CD99: variants seen among roughly 807,000 people sequenced by gnomAD.
CD99 encodes the protein CD99 antigen.
A neutral mutation model predicts 28.4 loss-of-function variants in CD99; 19 were observed. The observed-to-expected ratio is 0.67, with a 90% CI of 0.47 to 0.98. The LOEUF (loss-of-function observed/expected upper bound fraction) is 0.98, where lower values mean the gene tolerates loss of function less well. Among genes scored for constraint, CD99 ranks in the 50% least tolerant of loss-of-function variants. The pLI, the probability that CD99 is intolerant of heterozygous loss-of-function variation, is 0.00. For synonymous variants in CD99, 103 were observed against 92.1 expected (o/e 1.12, Z -0.67); for missense variants, 283 against 248.8 (o/e 1.14, Z -0.92).
chrX:2,705,982 C>T (rs1025733260), intron 1 of CD99, among the ~76,000 whole-genome samples: 3 of 151,664 alleles, frequency 2.0e-5, no homozygotes, highest in Admixed American at 6.6e-5. Flanking sequence ...GGACCCTTCC[C>T]GAGGCCCCCC....
rs778472277 is a variant in CD99 at position 2,726,296 on chromosome X, C to T, written c.398C>T (p.Ala133Val). 2 of 1,611,956 alleles carry T rather than the reference C, an allele frequency of 1.2e-6. No individual in the cohort carries two copies. Among genetic ancestry groups the T allele is most frequent in the South Asian group, 2.2e-5 (2 of 90,986 alleles). Residue 133 changes from alanine to valine, a missense_variant, in exon 8 of 10, where the codon GCT (alanine) becomes GTT (valine). Physicochemically the swap from Ala to Val is moderately conservative, Grantham distance 64. Transcript: ENST00000381192. ...GGCGTGATCCCCGGGATTGTGGGGG[C>T]TGTCGTGGTCGCCGTGGCTGGAGCC... ...APGVIPGIVGAVVVAVAGAIS... is the reference protein window; with the variant it reads ...APGVIPGIVGVVVVAVAGAIS...
intron 3 of CD99, among the ~76,000 whole-genome samples, chrX:2,718,433 A>G (rs1177366388): frequency 6.6e-5 from 10 of 151,442 alleles, no homozygotes; most frequent in African/African-American, 7.3e-5. Context: ...CAGTGGCGCA[A>G]TCTCGGCTCA....
chrX:2,740,853 GCTGCCTGAGGCTCCTCCCTGAAGGACAC>G lies in CD99; in HGVS notation c.*59_*86del. ...AGGCGTTGGCAGCAGGGTTAGAACAGCTGCCTGAGGCTCCTCCCTGAAGGACACCTGCCTGAGAGCAGAGATGGAGGCC... is the reference window on the plus strand; with the variant it reads ...AGGCGTTGGCAGCAGGGTTAGAACAGCTGCCTGAGAGCAGAGATGGAGGCC... On this transcript the variant is annotated 3_prime_UTR_variant, in exon 10 of 10. Coordinates refer to ENST00000381192, the MANE Select transcript of CD99 (RefSeq NM_002414.5). 1 of 1,601,670 alleles carries G rather than the reference GCTGCCTGAGGCTCCTCCCTGAAGGACAC, an allele frequency of 6.2e-7. No homozygotes were observed. The highest frequency in any genetic ancestry group is 8.6e-7 in the Non-Finnish European group (1 of 1,168,660).
intron 1 of CD99, among the ~76,000 whole-genome samples, chrX:2,705,311 G>A: frequency 6.6e-6 from 1 of 152,308 alleles, no homozygotes. Flanking sequence ...TCCTGTTACT[G>A]ACGGGAAGCT....
chrX:2,735,024 CTT>C (rs1193161522), intron 8 of CD99, among the ~76,000 whole-genome samples: 3 of 152,102 alleles, frequency 2.0e-5, no homozygotes, highest in African/African-American at 7.2e-5. Context: ...CCCCCCAACT[CTT>C]TGAAGGATGT....
chrX:2,702,776 T>G (rs2047921733), intron 1 of CD99, among the ~76,000 whole-genome samples: 1 of 151,892 alleles, frequency 6.6e-6, no homozygotes, highest in African/African-American at 2.4e-5. Context: ...GCAAAAAAAT[T>G]GAACTTTTTT....
chrX:2,735,349 T>G (rs1208919358), intron 8 of CD99, among the ~76,000 whole-genome samples: 1 of 152,190 alleles, frequency 6.6e-6, no homozygotes, highest in Non-Finnish European at 1.5e-5. Context: ...GAAGTTGACT[T>G]GTCAGATGTG....
At chrX:2,738,110 C>T (rs2050037828) in intron 8 of CD99, 90 bp from the exon 9 acceptor site, 1 of 1,221,708 alleles carries the variant, frequency 8.2e-7, no homozygotes, top group Non-Finnish European at 1.2e-6. Context: ...GAGCGTCGAC[C>T]TCAGGAAAGC....
chrX:2,716,226 T>C (rs749007943), intron 2 of CD99, among the ~76,000 whole-genome samples: 10 of 152,118 alleles, frequency 6.6e-5, no homozygotes, highest in Admixed American at 6.5e-4. Context: ...ATAATGTTGG[T>C]CAGGCTGGTT....
At chrX:2,700,971 A>G (rs983024147) in intron 1 of CD99, among the ~76,000 whole-genome samples, 5 of 137,026 alleles carry the variant, frequency 3.6e-5, no homozygotes, top group African/African-American at 5.6e-5. Context: ...CTACCCACCC[A>G]CTCATCCACT....
At chrX:2,720,311 T>C in intron 4 of CD99, 45 bp from the exon 5 acceptor site, 4 of 1,565,178 alleles carry the variant, frequency 2.6e-6, no homozygotes, top group South Asian at 1.1e-5. Context: ...TCATTTTCTT[T>C]ACTGCAAGGC....
Position 2,717,396 on chromosome X carries a change from A to C in CD99, c.101-209A>C, listed in dbSNP as rs1439216586. ...AGAAGGGGCTCCTGGTCTCTGTGGAAACCATGGCCGGTAGCAGCCTCTGTG... is the reference window on the plus strand; with the variant it reads ...AGAAGGGGCTCCTGGTCTCTGTGGACACCATGGCCGGTAGCAGCCTCTGTG... On this transcript the variant is annotated intron_variant, in intron 2 of 9. Transcript: ENST00000381192. 6 of 579,376 alleles carry C rather than the reference A, an allele frequency of 1.0e-5. 1 individual carries two copies. The highest frequency in any genetic ancestry group is 6.1e-5 in the Admixed American group (2 of 32,976). The allele number at this position is 579,376 out of a possible 1,614,324, so 35.9% of individuals were successfully genotyped here.
chrX:2,728,638 T>G (rs936443960), intron 8 of CD99, among the ~76,000 whole-genome samples: 9 of 152,114 alleles, frequency 5.9e-5, no homozygotes, highest in South Asian at 2.1e-4. Flanking sequence ...CCCTCTTGCT[T>G]CTTCTAGAAG....
rs182098763 is a variant in CD99, at chrX:2,702,175, G to A, written c.67+10748G>A. Among the ~76,000 whole-genome samples the A allele has an allele frequency of 1.1e-4, 16 of 152,248 alleles. No individual in the cohort carries two copies. In the East Asian group the frequency reaches 2.7e-3, roughly 26 times the overall value. ...TCAGGTGGGCTAGGGAGAGGATCAC[G>A]GAGGGCTTCCTGGAGAAGGTGACAT... On this transcript the variant is annotated intron_variant, in intron 1 of 9. Coordinates refer to ENST00000381192, the MANE Select transcript of CD99 (RefSeq NM_002414.5).
intron 7 of CD99, among the ~76,000 whole-genome samples, chrX:2,725,622 G>C (rs868317625): frequency 6.9e-6 from 1 of 145,248 alleles, no homozygotes; most frequent in African/African-American, 2.4e-5. Flanking sequence ...TTTTTGTTTT[G>C]TTTTGTTTTG....
chrX:2,728,248 A>C (rs970809029), intron 8 of CD99, among the ~76,000 whole-genome samples: 2 of 128,688 alleles, frequency 1.6e-5, no homozygotes, highest in African/African-American at 3.1e-5. Flanking sequence ...TCTGTCACCC[A>C]GGCTGGAATG....
chrX:2,693,911 G>A (rs1321346714), intron 1 of CD99, among the ~76,000 whole-genome samples: 4 of 152,184 alleles, frequency 2.6e-5, no homozygotes, highest in Non-Finnish European at 4.4e-5. Context: ...AATGGGTGGG[G>A]CAGCTTAGGG....
chrX:2,732,809 T>TCCATCCCTCCCTCC (rs2049720380), intron 8 of CD99, among the ~76,000 whole-genome samples: 7 of 149,020 alleles, frequency 4.7e-5, no homozygotes, highest in African/African-American at 1.7e-4. Context: ...TTCCTTTCTT[T>TCCATCCCTCCCTCC]TTTTCCTCTC....
chrX:2,708,286 A>G (rs2048217695), intron 1 of CD99, among the ~76,000 whole-genome samples: 1 of 152,090 alleles, frequency 6.6e-6, no homozygotes, highest in Non-Finnish European at 1.5e-5. Flanking sequence ...TGGGTGATTC[A>G]GGGTGCCCAC....
Sources: gnomAD v4.1 joint callset for allele counts (sites outside exome capture counted in the v4.1 genomes callset) on GRCh38, gnomAD v4.1.1 for gene constraint, MANE v1.5 for transcripts, NCBI Gene and HGNC (gene_info 2026-07-23, HGNC 2026-07-21) for gene names.